The following MBNL1 variants were observed in gnomAD, a reference collection of about 807,000 sequenced individuals.
The protein encoded by MBNL1 is muscleblind-like protein 1.
MBNL1 carries 8 observed loss-of-function variants against 42.2 expected under a neutral mutation model. That is an observed-to-expected ratio of 0.19 (90% CI 0.11 to 0.34). The LOEUF (loss-of-function observed/expected upper bound fraction) is 0.34. MBNL1 is among the 10% of genes least tolerant of loss of function. MBNL1 has a pLI of 1.00. For synonymous variants in MBNL1, 169 were observed against 173.9 expected, an observed-to-expected ratio of 0.97 and a Z score of 0.22; for missense variants, 309 against 495.3, an observed-to-expected ratio of 0.62 and a Z score of 3.57.
At chr3:152,425,213 A>G (rs2098900060) in intron 3 of MBNL1, among the ~76,000 whole-genome samples, 3 of 145,334 alleles carry the variant, frequency 2.1e-5, no homozygotes, top group African/African-American at 8.0e-5. Context: ...AATTTACAAG[A>G]AAAAAAAAAA....
At chr3:152,339,703 A>T (rs897687180) in intron 2 of MBNL1, 1 of 152,204 alleles carries the variant, frequency 6.6e-6, no homozygotes, top group African/African-American at 2.4e-5. Context: ...TTCAATGGCC[A>T]AAAATGCAAC....
At chr3:152,419,579 C>CCTG (rs2153677876) in intron 3 of MBNL1, among the ~76,000 whole-genome samples, 1 of 152,290 alleles carries the variant, frequency 6.6e-6, no homozygotes, top group East Asian at 1.9e-4. Flanking sequence ...CTTCGCAAAC[C>CCTG]GCAGACTAGG....
chr3:152,345,971 T>C (rs944623607), intron 2 of MBNL1, among the ~76,000 whole-genome samples: 1 of 152,146 alleles, frequency 6.6e-6, no homozygotes, highest in Non-Finnish European at 1.5e-5. Flanking sequence ...TTGTTGCTAT[T>C]CTTTTTGTGT....
At chr3:152,350,816 A>G (rs1181240898) in intron 2 of MBNL1, among the ~76,000 whole-genome samples, 1 of 152,048 alleles carries the variant, frequency 6.6e-6, no homozygotes, top group African/African-American at 2.4e-5. Context: ...CTCTTTTTAA[A>G]AATATTTTAT....
intron 2 of MBNL1, among the ~76,000 whole-genome samples, chr3:152,323,463 GCA>G (rs565282540): frequency 3.6e-4 from 55 of 151,110 alleles, no homozygotes; most frequent in Admixed American, 9.3e-4. Context: ...ACACGTGCGT[GCA>G]CACACACACA....
At chr3:152,263,503 G>A (rs2036656813), upstream of MBNL1, 1 of 152,128 alleles carries the variant, frequency 6.6e-6, no homozygotes, top group South Asian at 2.1e-4. Context: ...AAGGTTCTAA[G>A]GTTTGTTGTA....
chr3:152,258,556 A>G (rs1322566364), intron 2 of MBNL1, among the ~76,000 whole-genome samples: 1 of 152,238 alleles, frequency 6.6e-6, no homozygotes, highest in Non-Finnish European at 1.5e-5. Flanking sequence ...AGCAGCCAAC[A>G]ACAAAGGCAG....
At chr3:152,459,934 C>T (rs17437475) in intron 9 of MBNL1, among the ~76,000 whole-genome samples, 9,798 of 151,188 alleles carry the variant, frequency 0.065, 418 homozygotes, top group Middle Eastern at 0.16. Context: ...TCATCCCATG[C>T]ACCACCATAC....
In MBNL1 at chr3:152,300,199, T is replaced by C. The variant is rs375041852; in HGVS notation, c.6T>C (p.Ala2=). The stretch of plus-strand genomic sequence containing the variant: ...ACTACCTGTAAAATCTAAACATGGC[T>C]GTTAGTGTCACACCAATTCGGGACA... M[A]VSVTPIRDTK... The change falls in exon 2 of 10, where the codon GCT becomes GCC. Residue 2 remains alanine, a synonymous_variant. Transcript: ENST00000324210. The C allele has an allele frequency of 6.3e-7, 1 of 1,592,914 alleles. No homozygotes were observed. Among genetic ancestry groups the C allele is most frequent in the Non-Finnish European group, 8.6e-7 (1 of 1,166,998 alleles).
chr3:152,312,191 C>CAA (rs34750394), intron 2 of MBNL1, among the ~76,000 whole-genome samples: 183 of 45,568 alleles, frequency 4.0e-3, no homozygotes, highest in Middle Eastern at 0.017. Flanking sequence ...GACTCCGTCT[C>CAA]AAAAAAAAAA....
At chr3:152,351,646 C>T (rs1001935670) in intron 2 of MBNL1, among the ~76,000 whole-genome samples, 5 of 152,056 alleles carry the variant, frequency 3.3e-5, no homozygotes, top group Non-Finnish European at 7.4e-5. Context: ...AGGTAGTGGG[C>T]TTGAAGTCAG....
intron 3 of MBNL1, among the ~76,000 whole-genome samples, chr3:152,421,653 C>T (rs2098807041): frequency 6.6e-6 from 1 of 152,034 alleles, no homozygotes. Context: ...TCAGATTCAC[C>T]AAGGTTTAAA....
chr3:152,365,360 AATGTT>A, intron 2 of MBNL1, among the ~76,000 whole-genome samples: 1 of 152,228 alleles, frequency 6.6e-6, no homozygotes, highest in East Asian at 1.9e-4. Flanking sequence ...AGAATGGTTG[AATGTT>A]TGCTACTTCC....
At chr3:152,431,789 T>C (rs2099010343) in intron 3 of MBNL1, among the ~76,000 whole-genome samples, 1 of 152,240 alleles carries the variant, frequency 6.6e-6, no homozygotes, top group African/African-American at 2.4e-5. Context: ...GAATAAGGTA[T>C]GAAATTGTGT....
intron 1 of MBNL1, among the ~76,000 whole-genome samples, chr3:152,274,970 A>G (rs1432000139): frequency 6.6e-6 from 1 of 152,152 alleles, no homozygotes; most frequent in East Asian, 1.9e-4. Flanking sequence ...TATCAAAGAT[A>G]TTTTCTTAAC....
At chr3:152,244,386 T>C (rs1023878429) in exon 2 of MBNL1, 2 of 152,040 alleles carry the variant, frequency 1.3e-5, no homozygotes, top group Non-Finnish European at 2.9e-5. Flanking sequence ...GAAGTGCTGG[T>C]AGTTTGTCTC....
At chr3:152,418,941 C>T (rs962140344) in intron 3 of MBNL1, among the ~76,000 whole-genome samples, 5 of 151,972 alleles carry the variant, frequency 3.3e-5, no homozygotes, top group African/African-American at 9.7e-5. Flanking sequence ...TGGTCTTGAT[C>T]TCCTGACCTT....
intron 2 of MBNL1, among the ~76,000 whole-genome samples, chr3:152,256,176 T>C (rs1280893769): frequency 2.0e-5 from 3 of 152,212 alleles, no homozygotes; most frequent in East Asian, 3.8e-4. Context: ...AAAAGTTTCA[T>C]AGGAGATAAA....
intron 2 of MBNL1, among the ~76,000 whole-genome samples, chr3:152,344,476 G>A (rs569051798): frequency 1.3e-5 from 2 of 152,222 alleles, no homozygotes; most frequent in South Asian, 4.1e-4. Context: ...TAAAACCCTG[G>A]ATATTGTGTG....
Sources: allele counts gnomAD v4.1 joint callset (sites outside exome capture counted in the v4.1 genomes callset), GRCh38; gene constraint gnomAD v4.1.1; transcripts MANE v1.5; gene names NCBI Gene and HGNC (gene_info 2026-07-23, HGNC 2026-07-21).